Variants in RASA3 observed in about 807,000 individuals in gnomAD.
The protein encoded by RASA3 is RAS p21 protein activator 3.
A neutral mutation model predicts 110.0 loss-of-function variants in RASA3; 73 were observed. That is an observed-to-expected ratio of 0.66 (90% confidence interval 0.55 to 0.81). The LOEUF (loss-of-function observed/expected upper bound fraction) is 0.81, where lower values mean the gene tolerates loss of function less well. RASA3 is among the 30% of genes least tolerant of loss of function. The probability of loss-of-function intolerance (pLI) is 0.00; values close to 1 mark genes in which losing one functional copy is unlikely to be tolerated. For missense variants in RASA3, 976 were observed against 1,113.2 expected (o/e 0.88, Z 1.75); for synonymous variants, 500 against 451.4 (o/e 1.11, Z -1.37).
At chr13:114,007,647 C>T in intron 17 of RASA3, 41 bp from the exon 18 acceptor site, 3 of 1,511,794 alleles carry the variant, frequency 2.0e-6, no homozygotes, top group Non-Finnish European at 2.8e-6. Flanking sequence ...GGAAGCCACA[C>T]ATCTGACGTG....
At chr13:113,980,031 T>G (rs1566436094) in intron 23 of RASA3, among the ~76,000 whole-genome samples, 1 of 130,252 alleles carries the variant, frequency 7.7e-6, no homozygotes, top group Admixed American at 7.6e-5. Context: ...TGTGCACCTG[T>G]GTGTGCACCT....
At chr13:114,092,508 G>A (rs185017123) in intron 1 of RASA3, among the ~76,000 whole-genome samples, 1 of 151,988 alleles carries the variant, frequency 6.6e-6, no homozygotes, top group South Asian at 2.1e-4. Flanking sequence ...TAGTTTTTTT[G>A]ATTGTGTTGA....
intron 1 of RASA3, among the ~76,000 whole-genome samples, chr13:114,101,101 T>C (rs939662996): frequency 1.3e-5 from 2 of 152,126 alleles, no homozygotes; most frequent in Non-Finnish European, 2.9e-5. Context: ...ATGGATGGCC[T>C]GTGCAGTCAC....
chr13:114,015,787 C>A (rs544983461), intron 13 of RASA3, among the ~76,000 whole-genome samples: 1 of 152,206 alleles, frequency 6.6e-6, no homozygotes, highest in South Asian at 2.1e-4. Context: ...GGAGGCCATC[C>A]TGTCCTAGGA....
chr13:114,032,652 G>A (rs1359862354), intron 4 of RASA3, among the ~76,000 whole-genome samples: 29 of 140,084 alleles, frequency 2.1e-4, no homozygotes, highest in East Asian at 6.4e-4. Flanking sequence ...TATGCCCCAC[G>A]GCACCCCCAC....
intron 1 of RASA3, among the ~76,000 whole-genome samples, chr13:114,117,626 G>C (rs2080305876): frequency 7.5e-6 from 1 of 133,694 alleles, no homozygotes. Context: ...GGGTGCACGT[G>C]TCTGAGGGGT....
intron 9 of RASA3, 135 bp downstream of exon 9, chr13:114,021,269 C>T (rs958237546): frequency 4.0e-5 from 28 of 706,664 alleles, no homozygotes; most frequent in Non-Finnish European, 6.7e-5. Context: ...GAGCTACATG[C>T]AAAGTAAGAG....
intron 4 of RASA3, among the ~76,000 whole-genome samples, chr13:114,032,284 G>C (rs1025907840): frequency 4.6e-5 from 7 of 152,178 alleles, no homozygotes; most frequent in African/African-American, 1.7e-4. Flanking sequence ...CTGTGGGCCA[G>C]AGCCAACATT....
intron 20 of RASA3, 24 bp from the exon 21 acceptor site, chr13:113,996,763 A>G (rs2053266422): frequency 6.2e-7 from 1 of 1,603,240 alleles, no homozygotes. Flanking sequence ...TGGGCTCAGG[A>G]CAGCGCACAT....
chr13:114,077,231 C>G (rs895839611), intron 1 of RASA3, among the ~76,000 whole-genome samples: 1 of 152,146 alleles, frequency 6.6e-6, no homozygotes, highest in Non-Finnish European at 1.5e-5. Context: ...AGACAGACGC[C>G]GTACGACATG....
intron 1 of RASA3, among the ~76,000 whole-genome samples, chr13:114,129,034 G>A (rs1334518175): frequency 1.3e-5 from 2 of 152,172 alleles, no homozygotes; most frequent in Non-Finnish European, 2.9e-5. Context: ...AGTAAGTATT[G>A]TGGAAACGGA....
chr13:114,009,910 G>A (rs1392943441), intron 16 of RASA3, among the ~76,000 whole-genome samples: 3 of 152,336 alleles, frequency 2.0e-5, no homozygotes, highest in East Asian at 3.9e-4. Context: ...TCCATCACAC[G>A]GGGAAGTGGA....
chr13:114,000,994 A>G, intron 18 of RASA3, 62 bp from the exon 19 acceptor site: 1 of 1,082,558 alleles, frequency 9.2e-7, no homozygotes, highest in South Asian at 1.2e-5. Context: ...ACAGGTGAAA[A>G]ACCACACCCC....
chr13:114,041,499 T>C (rs1224103202), intron 3 of RASA3, among the ~76,000 whole-genome samples: 1 of 152,254 alleles, frequency 6.6e-6, no homozygotes, highest in Non-Finnish European at 1.5e-5. Flanking sequence ...CGCCTCACTT[T>C]CACTGTGGTC....
At chr13:114,128,543 G>A (rs185632414) in intron 1 of RASA3, among the ~76,000 whole-genome samples, 5 of 152,338 alleles carry the variant, frequency 3.3e-5, no homozygotes, top group African/African-American at 4.8e-5. Flanking sequence ...ATTCTCACCC[G>A]GTGCCACCTC....
chr13:114,034,794 T>A (rs1257468788), intron 4 of RASA3, among the ~76,000 whole-genome samples: 1 of 152,218 alleles, frequency 6.6e-6, no homozygotes, highest in Non-Finnish European at 1.5e-5. Flanking sequence ...ATGAAAGTGT[T>A]ACTCATCAAA....
intron 14 of RASA3, 120 bp from the exon 15 acceptor site, chr13:114,013,368 C>A: frequency 2.2e-6 from 1 of 455,278 alleles, no homozygotes; most frequent in Non-Finnish European, 3.8e-6. Flanking sequence ...GCTCTATCTC[C>A]ACCTGTGTCT....
intron 1 of RASA3, among the ~76,000 whole-genome samples, chr13:114,106,389 A>G (rs949402983): frequency 6.6e-6 from 1 of 152,252 alleles, no homozygotes; most frequent in Non-Finnish European, 1.5e-5. Context: ...AGAAATGCTT[A>G]CAAATTTAAC....
chr13:114,062,134 G>A (rs536554388), intron 2 of RASA3, among the ~76,000 whole-genome samples: 3 of 151,524 alleles, frequency 2.0e-5, no homozygotes, highest in African/African-American at 7.3e-5. Flanking sequence ...GATTTTCCAC[G>A]ATGAGTTGAT....
Sources: gnomAD v4.1 joint callset for allele counts (sites outside exome capture counted in the v4.1 genomes callset) on GRCh38, gnomAD v4.1.1 for gene constraint, MANE v1.5 for transcripts, NCBI Gene and HGNC (gene_info 2026-07-23, HGNC 2026-07-21) for gene names.